CFDP1: variants seen among roughly 807,000 people sequenced by gnomAD.
The protein encoded by CFDP1 is chromatin remodeling protein CFDP1, also known as heterochromatin-stabilizing protein CFDP1.
Under a neutral mutation model 40.1 loss-of-function variants are expected in CFDP1, and 31 were observed. That is an observed-to-expected ratio of 0.77 (90% CI 0.58 to 1.04). CFDP1 has a LOEUF of 1.04. Among genes scored for constraint, CFDP1 ranks in the 50% least tolerant of loss-of-function variants. CFDP1 has a pLI of 0.00. For missense variants in CFDP1, 423 were observed against 343.4 expected (o/e 1.23, Z -1.83); for synonymous variants, 167 against 120.0 (o/e 1.39, Z -2.56).
intron 5 of CFDP1, among the ~76,000 whole-genome samples, chr16:75,325,384 C>T (rs534009989): frequency 6.6e-6 from 1 of 152,350 alleles, no homozygotes; most frequent in East Asian, 1.9e-4. Flanking sequence ...GACTAACTTC[C>T]TGACCTCTTT....
At chr16:75,320,876 G>C (rs973754598) in intron 5 of CFDP1, among the ~76,000 whole-genome samples, 1 of 152,178 alleles carries the variant, frequency 6.6e-6, no homozygotes, top group Non-Finnish European at 1.5e-5. Context: ...TTCCCTCTAA[G>C]AATGAAGAGA....
At chr16:75,350,370 C>T (rs2078602634) in intron 5 of CFDP1, among the ~76,000 whole-genome samples, 2 of 152,214 alleles carry the variant, frequency 1.3e-5, no homozygotes, top group East Asian at 3.8e-4. Context: ...AAGGTTTCAA[C>T]TTCTCCATAC....
intron 4 of CFDP1, among the ~76,000 whole-genome samples, chr16:75,405,760 A>AAC: frequency 6.7e-6 from 1 of 150,210 alleles, no homozygotes; most frequent in Non-Finnish European, 1.5e-5. Context: ...AAAAAAAAAA[A>AAC]AAAAACAAAT....
chr16:75,348,913 C>G (rs2078589041), intron 5 of CFDP1, among the ~76,000 whole-genome samples: 1 of 152,144 alleles, frequency 6.6e-6, no homozygotes, highest in Non-Finnish European at 1.5e-5. Flanking sequence ...GCCACCCAGG[C>G]TGGAGTATAG....
chr16:75,354,683 G>A (rs1166322664), intron 5 of CFDP1, among the ~76,000 whole-genome samples: 20 of 108,896 alleles, frequency 1.8e-4, no homozygotes, highest in Non-Finnish European at 4.5e-4. Context: ...CTTAAATGTG[G>A]TGGGGAAAGG....
At chr16:75,310,616 T>C (rs2078288698) in intron 5 of CFDP1, among the ~76,000 whole-genome samples, 1 of 152,246 alleles carries the variant, frequency 6.6e-6, no homozygotes, top group Non-Finnish European at 1.5e-5. Flanking sequence ...GGTAACTTGT[T>C]TACTTTGTTC....
At chr16:75,340,205 G>T (rs2078517315) in intron 5 of CFDP1, among the ~76,000 whole-genome samples, 1 of 152,120 alleles carries the variant, frequency 6.6e-6, no homozygotes, top group African/African-American at 2.4e-5. Flanking sequence ...ATGCTCCTAC[G>T]ATGATCCTGT....
At chr16:75,403,458 G>C (rs546910221) in intron 4 of CFDP1, among the ~76,000 whole-genome samples, 11 of 152,186 alleles carry the variant, frequency 7.2e-5, no homozygotes, top group African/African-American at 2.2e-4. Flanking sequence ...TACTCAAGCA[G>C]TCCTCCTGCC....
intron 5 of CFDP1, among the ~76,000 whole-genome samples, chr16:75,374,534 G>A (rs2078777332): frequency 6.6e-6 from 1 of 150,930 alleles, no homozygotes; most frequent in South Asian, 2.1e-4. Flanking sequence ...GAAATAAAAT[G>A]GGCGGGGCAT....
chr16:75,411,965 C>A lies in CFDP1; in HGVS notation c.403-13G>T. ...TCTCCTCTCCTTTCTATAAAAAAAA[C>A]AAGAAATGTAATGTTTCACCAAAAG... is the stretch of plus-strand genomic sequence containing the variant. On this transcript the variant is annotated splice_polypyrimidine_tract_variant and intron_variant, in intron 3 of 6. Coordinates refer to ENST00000283882, the MANE Select transcript of CFDP1 (RefSeq NM_006324.3). The A allele has an allele frequency of 6.3e-7, 1 of 1,579,720 alleles. No homozygotes were observed. The highest frequency in any genetic ancestry group is 8.5e-7 in the Non-Finnish European group (1 of 1,171,034).
At chr16:75,346,614 A>AAAAAAAAAAAC (rs2078567714) in intron 5 of CFDP1, among the ~76,000 whole-genome samples, 1 of 126,658 alleles carries the variant, frequency 7.9e-6, no homozygotes, top group African/African-American at 3.0e-5. Context: ...AAAAAAAAAA[A>AAAAAAAAAAAC]AGAGTACCAG....
chr16:75,425,289 A>C (rs1476789580), intron 1 of CFDP1, among the ~76,000 whole-genome samples: 1 of 149,998 alleles, frequency 6.7e-6, no homozygotes, highest in Non-Finnish European at 1.5e-5. Context: ...CAGGAGGCTG[A>C]GGAAGGAGAA....
chr16:75,368,061 A>C (rs1448738934), intron 5 of CFDP1, among the ~76,000 whole-genome samples: 1 of 152,174 alleles, frequency 6.6e-6, no homozygotes, highest in Non-Finnish European at 1.5e-5. Flanking sequence ...CCAAGATCGC[A>C]CCGTGCCCTC....
At chr16:75,385,849 T>G (rs11644592) in intron 5 of CFDP1, among the ~76,000 whole-genome samples, 48,061 of 152,106 alleles carry the variant, frequency 0.32, 8,692 homozygotes, top group East Asian at 0.54. Flanking sequence ...AATGAAGGTC[T>G]TCGTTTCCTT....
intron 1 of CFDP1, among the ~76,000 whole-genome samples, chr16:75,419,881 CTCTG>C (rs1431868238): frequency 4.6e-5 from 7 of 152,130 alleles, no homozygotes; most frequent in Admixed American, 1.3e-4. Flanking sequence ...CTTGGGTCTG[CTCTG>C]TCTATGGAGT....
chr16:75,387,186 G>C (rs1315198008), intron 5 of CFDP1, among the ~76,000 whole-genome samples: 1 of 148,362 alleles, frequency 6.7e-6, no homozygotes, highest in Admixed American at 6.8e-5. Context: ...TGTTGCCCAG[G>C]CTGGAGTGCA....
chr16:75,392,382 G>T (rs1336639957), intron 5 of CFDP1, among the ~76,000 whole-genome samples: 2 of 151,430 alleles, frequency 1.3e-5, no homozygotes, highest in African/African-American at 4.8e-5. Flanking sequence ...TCCAGCCCAG[G>T]AAACAGTGCG....
chr16:75,358,175 T>C (rs2078658321), intron 5 of CFDP1, among the ~76,000 whole-genome samples: 1 of 152,162 alleles, frequency 6.6e-6, no homozygotes, highest in South Asian at 2.1e-4. Flanking sequence ...TGAGATATTA[T>C]GAGAATTACC....
intron 6 of CFDP1, among the ~76,000 whole-genome samples, chr16:75,297,255 A>C (rs1203968701): frequency 6.6e-6 from 1 of 151,176 alleles, no homozygotes; most frequent in East Asian, 2.0e-4. Flanking sequence ...CCTGGCCTCA[A>C]GTAATCTGCC....
Sources: allele counts gnomAD v4.1 joint callset (sites outside exome capture counted in the v4.1 genomes callset), GRCh38; gene constraint gnomAD v4.1.1; transcripts MANE v1.5; gene names NCBI Gene and HGNC (gene_info 2026-07-23, HGNC 2026-07-21).